GALNTL6: variants seen among roughly 807,000 people sequenced by gnomAD.
GALNTL6 encodes polypeptide N-acetylgalactosaminyltransferase like 6.
A neutral mutation model predicts 73.7 loss-of-function variants in GALNTL6; 46 were observed. That is an observed-to-expected ratio of 0.62 (90% CI 0.49 to 0.80). The LOEUF is 0.80. Among genes scored for constraint, GALNTL6 ranks in the 30% least tolerant of loss-of-function variants. GALNTL6 has a pLI of 0.00. For missense variants in GALNTL6, 604 were observed against 755.0 expected (o/e 0.80, Z 2.34); for synonymous variants, 259 against 263.7 (o/e 0.98, Z 0.17).
chr4:172,000,541 C>T (rs900523647), intron 2 of GALNTL6, among the ~76,000 whole-genome samples: 6 of 152,054 alleles, frequency 3.9e-5, no homozygotes, highest in East Asian at 1.9e-4. Context: ...CAAAGCTTGC[C>T]GAAGCAGGGA....
intron 5 of GALNTL6, among the ~76,000 whole-genome samples, chr4:172,619,395 C>G (rs1216977161): frequency 2.0e-5 from 3 of 152,126 alleles, no homozygotes; most frequent in South Asian, 2.1e-4. Flanking sequence ...TCTTTTCATT[C>G]TGCCAATTCA....
intron 5 of GALNTL6, among the ~76,000 whole-genome samples, chr4:172,751,286 A>AT (rs1434294013): frequency 6.6e-6 from 1 of 152,200 alleles, no homozygotes; most frequent in East Asian, 1.9e-4. Context: ...AAGAATTGTG[A>AT]TTTTAACTGT....
At chr4:172,986,962 TCA>T (rs1751315097) in intron 10 of GALNTL6, among the ~76,000 whole-genome samples, 1 of 152,172 alleles carries the variant, frequency 6.6e-6, no homozygotes, top group Non-Finnish European at 1.5e-5. Context: ...AGAAAGAATT[TCA>T]GTCAGTCCAA....
chr4:172,236,355 C>T (rs112355352), intron 3 of GALNTL6, among the ~76,000 whole-genome samples: 4,721 of 151,994 alleles, frequency 0.031, 227 homozygotes, highest in African/African-American at 0.11. Context: ...GTGAGGAGAT[C>T]GAGACCATGC....
chr4:171,926,425 T>C (rs184698189), intron 2 of GALNTL6, among the ~76,000 whole-genome samples: 22 of 152,238 alleles, frequency 1.4e-4, no homozygotes, highest in Non-Finnish European at 4.4e-5. Context: ...ACTTGTCTTT[T>C]CTACTGTTTC....
chr4:172,714,306 A>AACACAC (rs3084330), intron 5 of GALNTL6, among the ~76,000 whole-genome samples: 6 of 149,174 alleles, frequency 4.0e-5, no homozygotes, highest in African/African-American at 1.5e-4. Context: ...TTTCACACCA[A>AACACAC]ACACACACAC....
At chr4:171,843,454 A>G (rs376002105) in intron 2 of GALNTL6, among the ~76,000 whole-genome samples, 2 of 152,264 alleles carry the variant, frequency 1.3e-5, no homozygotes, top group South Asian at 4.1e-4. Flanking sequence ...TAACAATGGA[A>G]CAATACAGTA....
At position 172,461,740 on chromosome 4, in the gene GALNTL6, C is replaced by A. The variant is rs77878791; in HGVS notation, c.553+113051C>A. ...TTATAAGGTCAGAGTTACTACTTAG[C>A]TTGCTTTTGGGCACTCTTGGGCACT... On this transcript the variant is annotated intron_variant, in intron 5 of 12. Transcript: ENST00000506823. Among the ~76,000 whole-genome samples the A allele has an allele frequency of 7.3e-3, 1,104 of 152,252 alleles. 13 individuals carry two copies. Among genetic ancestry groups the A allele is most frequent in the African/African-American group, 0.025 (1,041 of 41,530 alleles).
intron 5 of GALNTL6, among the ~76,000 whole-genome samples, chr4:172,694,376 T>C (rs1733546580): frequency 6.6e-6 from 1 of 152,148 alleles, no homozygotes; most frequent in Admixed American, 6.5e-5. Flanking sequence ...CTCCCACTTA[T>C]GAGTGAGAAC....
At chr4:172,987,805 T>C (rs1751357357) in intron 10 of GALNTL6, among the ~76,000 whole-genome samples, 1 of 152,174 alleles carries the variant, frequency 6.6e-6, no homozygotes, top group South Asian at 2.1e-4. Context: ...AAGATGTGCC[T>C]GCTTCCCCTT....
chr4:172,091,311 CTT>C (rs1272885860), intron 2 of GALNTL6, among the ~76,000 whole-genome samples: 3 of 152,140 alleles, frequency 2.0e-5, no homozygotes, highest in African/African-American at 7.2e-5. Context: ...TCAGATTAGA[CTT>C]TTAAAAGTCT....
chr4:172,689,786 C>T (rs1733155037), intron 5 of GALNTL6, among the ~76,000 whole-genome samples: 1 of 152,044 alleles, frequency 6.6e-6, no homozygotes, highest in South Asian at 2.1e-4. Flanking sequence ...GAAGCCATCC[C>T]AAGTAGAGCA....
At chr4:172,447,772 G>C (rs1732077305) in intron 5 of GALNTL6, among the ~76,000 whole-genome samples, 1 of 152,020 alleles carries the variant, frequency 6.6e-6, no homozygotes, top group Non-Finnish European at 1.5e-5. Context: ...ATGTGGGTCA[G>C]AGCCTACACT....
chr4:172,480,901 AG>A (rs1160539498), intron 5 of GALNTL6, among the ~76,000 whole-genome samples: 1 of 152,148 alleles, frequency 6.6e-6, no homozygotes, highest in Non-Finnish European at 1.5e-5. Context: ...TGCATGAAAA[AG>A]GATCAAAGCA....
chr4:173,007,498 C>A (rs565428389), intron 10 of GALNTL6, among the ~76,000 whole-genome samples: 1 of 152,106 alleles, frequency 6.6e-6, no homozygotes, highest in Non-Finnish European at 1.5e-5. Flanking sequence ...ATTGGCGAAA[C>A]CTTCAAGCAG....
At chr4:172,910,928 G>C (rs1320351950) in intron 8 of GALNTL6, among the ~76,000 whole-genome samples, 1 of 152,184 alleles carries the variant, frequency 6.6e-6, no homozygotes, top group Admixed American at 6.5e-5. Context: ...ATTTGTAGGA[G>C]AAACTACAAA....
At position 172,931,206 on chromosome 4, in the gene GALNTL6, G is replaced by A. The variant is rs1252476105; in HGVS notation, c.1087G>A (p.Val363Ile). 1 of 1,612,938 alleles carries A rather than the reference G, an allele frequency of 6.2e-7. No individual in the cohort carries two copies. Among genetic ancestry groups the A allele is most frequent in the South Asian group, 1.1e-5 (1 of 91,060 alleles). Reference sequence around the variant, plus strand: ...AATGTTTGATGTTCCATGTTCTAGAGTTGGTCATATCTACAGGAAGTACGT... The same window carrying A: ...AATGTTTGATGTTCCATGTTCTAGAATTGGTCATATCTACAGGAAGTACGT... ...GEMFDVPCSR[V>I]GHIYRKYVPY... is the part of the protein sequence containing the mutation. The change falls in exon 9 of 13, where the codon GTT (valine) becomes ATT (isoleucine). Residue 363 changes from valine (V) to isoleucine (I), a missense_variant. By Grantham distance (29) the Val-to-Ile change is conservative. Around this residue, in one of 5 missense-constraint regions of GALNTL6, gnomAD observed 14 missense variants for 40.8 expected, o/e 0.34. Coordinates refer to ENST00000506823, the MANE Select transcript of GALNTL6 (RefSeq NM_001034845.3).
chr4:172,750,548 A>G (rs143939664), intron 5 of GALNTL6, among the ~76,000 whole-genome samples: 7 of 152,314 alleles, frequency 4.6e-5, no homozygotes, highest in Admixed American at 1.3e-4. Context: ...CTCCTCTAGG[A>G]AAATGCTCTC....
chr4:171,882,991 T>G (rs533881148), intron 2 of GALNTL6, among the ~76,000 whole-genome samples: 3 of 152,196 alleles, frequency 2.0e-5, no homozygotes, highest in Non-Finnish European at 4.4e-5. Context: ...ATATCAACTG[T>G]CCATCTTAGA....
Sources: allele counts gnomAD v4.1 joint callset (sites outside exome capture counted in the v4.1 genomes callset), GRCh38; gene constraint gnomAD v4.1.1; regional missense constraint gnomAD v4.1.1; transcripts MANE v1.5; gene names NCBI Gene and HGNC (gene_info 2026-07-23, HGNC 2026-07-21).